The following FYB1 variants were observed in gnomAD, a reference collection of about 807,000 sequenced individuals.
The protein encoded by FYB1 is FYN-binding protein 1.
Under a neutral mutation model 94.1 loss-of-function variants are expected in FYB1, and 41 were observed. That is an observed-to-expected ratio of 0.44 (90% CI 0.34 to 0.57). FYB1 has a LOEUF of 0.57. Ranked by LOEUF, FYB1 falls within the 20% of genes least tolerant of loss-of-function variation. The pLI, the probability that FYB1 is intolerant of heterozygous loss-of-function variation, is 0.02. For synonymous variants in FYB1, 367 were observed against 353.2 expected, an observed-to-expected ratio of 1.04 and a Z score of -0.44; for missense variants, 1,050 against 976.8, an observed-to-expected ratio of 1.07 and a Z score of -1.00.
chr5:39,255,484 T>C (rs557192655), intron 1 of FYB1, among the ~76,000 whole-genome samples: 273 of 151,956 alleles, frequency 1.8e-3, no homozygotes, highest in African/African-American at 6.4e-3. Flanking sequence ...CCTTTTTTTA[T>C]ACCAAATTTT....
chr5:39,198,376 T>C (rs1186852699), intron 2 of FYB1, among the ~76,000 whole-genome samples: 1 of 152,194 alleles, frequency 6.6e-6, no homozygotes, highest in Non-Finnish European at 1.5e-5. Flanking sequence ...ACTCTGCACA[T>C]TGGTTTAAAA....
chr5:39,158,837 G>A (rs1743993390), intron 2 of FYB1, among the ~76,000 whole-genome samples: 2 of 152,106 alleles, frequency 1.3e-5, no homozygotes, highest in Non-Finnish European at 2.9e-5. Context: ...GCTCCCAATT[G>A]CCACAAAACC....
intron 3 of FYB1, among the ~76,000 whole-genome samples, chr5:39,148,586 G>C (rs906879021): frequency 6.6e-6 from 1 of 151,548 alleles, no homozygotes; most frequent in African/African-American, 2.4e-5. Flanking sequence ...TAGTGTGAGA[G>C]AAGACTATCT....
chr5:39,209,216 G>A (rs950088039), intron 1 of FYB1, among the ~76,000 whole-genome samples: 2 of 152,100 alleles, frequency 1.3e-5, no homozygotes, highest in African/African-American at 2.4e-5. Flanking sequence ...GTTGCTGGCT[G>A]AAAATACAGT....
chr5:39,162,117 G>A (rs1320222390), intron 2 of FYB1, among the ~76,000 whole-genome samples: 1 of 152,044 alleles, frequency 6.6e-6, no homozygotes. Context: ...TCTATCTTCT[G>A]CCTGTTATAC....
intron 1 of FYB1, chr5:39,269,508 T>A (rs1432637156): frequency 1.3e-5 from 2 of 152,324 alleles, no homozygotes; most frequent in African/African-American, 2.4e-5. Flanking sequence ...TGTACTCCCC[T>A]TCTCAAGACT....
chr5:39,163,293 G>A (rs2150379783), intron 2 of FYB1, among the ~76,000 whole-genome samples: 1 of 152,284 alleles, frequency 6.6e-6, no homozygotes, highest in Middle Eastern at 3.4e-3. Flanking sequence ...CTTTTGCTTT[G>A]AATGCAAACT....
intron 3 of FYB1, 50 bp from the exon 4 acceptor site, chr5:39,141,191 C>T: frequency 8.4e-7 from 1 of 1,185,012 alleles, no homozygotes; most frequent in Non-Finnish European, 1.2e-6. Context: ...TAGATGCTCA[C>T]CTTACAATGA....
rs1760348593 is a variant in FYB1, at chr5:39,105,891, A to G, written c.*1552T>C. On this transcript the variant is annotated 3_prime_UTR_variant, in exon 19 of 19. Coordinates refer to ENST00000512982, the MANE Select transcript of FYB1 (RefSeq NM_001465.6). ...TCAGACACCCAAAATCTATATATTG[A>G]CCAGTGGAAGTTGATGATTTGTTAT... is the stretch of plus-strand genomic sequence containing the variant. 2 of 152,096 alleles carry G rather than the reference A, an allele frequency of 1.3e-5. No homozygotes were observed. The highest frequency in any genetic ancestry group is 2.9e-5 in the Non-Finnish European group (2 of 68,004). The allele number at this position is 152,096 out of a possible 1,614,324, so 9.4% of individuals were successfully genotyped here. A position where few individuals can be genotyped will look rare whatever the true frequency, so the allele number is the denominator to read the frequency against.
intron 9 of FYB1, among the ~76,000 whole-genome samples, chr5:39,133,454 C>T (rs1474764765): frequency 2.0e-5 from 3 of 151,206 alleles, no homozygotes; most frequent in Admixed American, 2.0e-4. Flanking sequence ...TGGAAAAGTA[C>T]AAAAGAGACA....
chr5:39,136,342 T>C (rs1741677976), intron 7 of FYB1, among the ~76,000 whole-genome samples: 1 of 152,154 alleles, frequency 6.6e-6, no homozygotes, highest in Admixed American at 6.5e-5. Context: ...GTGCTGGGAT[T>C]ACAGGCCTGA....
At chr5:39,111,470 A>G (rs191417371) in intron 16 of FYB1, among the ~76,000 whole-genome samples, 2 of 151,988 alleles carry the variant, frequency 1.3e-5, no homozygotes, top group East Asian at 3.9e-4. Flanking sequence ...TCATATTGCC[A>G]ATGATTAAAC....
chr5:39,254,886 A>C (rs1330402000), intron 1 of FYB1, among the ~76,000 whole-genome samples: 1 of 152,156 alleles, frequency 6.6e-6, no homozygotes, highest in East Asian at 1.9e-4. Flanking sequence ...CCAAACATTA[A>C]AGGAAGTGCC....
At chr5:39,250,597 C>T (rs1191513246) in intron 1 of FYB1, 1 of 152,080 alleles carries the variant, frequency 6.6e-6, no homozygotes, top group Admixed American at 6.6e-5. Context: ...GTTCTTGGTT[C>T]TTTTTCTTCT....
chr5:39,207,316 C>T (rs1477183315), intron 1 of FYB1, among the ~76,000 whole-genome samples: 1 of 152,188 alleles, frequency 6.6e-6, no homozygotes, highest in Non-Finnish European at 1.5e-5. Context: ...AGTAGAAAAT[C>T]TCTTCATAGA....
chr5:39,156,395 C>T (rs1743758933), intron 2 of FYB1, among the ~76,000 whole-genome samples: 1 of 152,160 alleles, frequency 6.6e-6, no homozygotes. Flanking sequence ...AGCAGTCTTG[C>T]CACTGCCAGA....
intron 2 of FYB1, among the ~76,000 whole-genome samples, chr5:39,179,801 T>C (rs2150419517): frequency 6.6e-6 from 1 of 152,118 alleles, no homozygotes; most frequent in East Asian, 1.9e-4. Flanking sequence ...CTTTTACTTC[T>C]CTCCAGGGGC....
At chr5:39,231,550 C>T (rs573500333) in intron 1 of FYB1, among the ~76,000 whole-genome samples, 6 of 152,168 alleles carry the variant, frequency 3.9e-5, no homozygotes, top group Non-Finnish European at 5.9e-5. Context: ...ATGAAATAAA[C>T]AGCCCAGTCA....
intron 17 of FYB1, among the ~76,000 whole-genome samples, chr5:39,108,625 T>A (rs1341583909): frequency 6.6e-6 from 1 of 152,120 alleles, no homozygotes; most frequent in Non-Finnish European, 1.5e-5. Context: ...TAATATCAGA[T>A]TCATACTTTC....
Sources: allele counts gnomAD v4.1 joint callset (sites outside exome capture counted in the v4.1 genomes callset), GRCh38; gene constraint gnomAD v4.1.1; transcripts MANE v1.5; gene names NCBI Gene and HGNC (gene_info 2026-07-23, HGNC 2026-07-21).